MCU: variants seen among roughly 807,000 people sequenced by gnomAD.
MCU encodes the protein mitochondrial calcium uniporter, also known as calcium uniporter protein, mitochondrial.
Under a neutral mutation model 45.2 loss-of-function variants are expected in MCU, and 12 were observed. The ratio of observed to expected loss-of-function variants is 0.27; its 90% CI spans 0.17 to 0.43. MCU has a LOEUF of 0.43. MCU is among the 20% of genes least tolerant of loss of function. The pLI is 1.00. For missense variants in MCU, 324 were observed against 436.7 expected (o/e 0.74, Z 2.30); for synonymous variants, 160 against 165.1 (o/e 0.97, Z 0.24).
intron 2 of MCU, among the ~76,000 whole-genome samples, chr10:72,857,903 A>G (rs2132866741): frequency 6.6e-6 from 1 of 152,316 alleles, no homozygotes; most frequent in East Asian, 1.9e-4. Flanking sequence ...ACATTTTGTT[A>G]TAAAATCTTA....
chr10:72,755,142 T>C (rs1458634717), intron 1 of MCU, among the ~76,000 whole-genome samples: 1 of 136,172 alleles, frequency 7.3e-6, no homozygotes, highest in African/African-American at 2.6e-5. Flanking sequence ...TATGTGAACC[T>C]GAGATTTTTT....
chr10:72,693,661 G>T (rs1274911857), intron 1 of MCU, among the ~76,000 whole-genome samples: 1 of 152,120 alleles, frequency 6.6e-6, no homozygotes, highest in Non-Finnish European at 1.5e-5. Context: ...ATTCTTGTGA[G>T]AAGATTGTAC....
At chr10:72,715,220 G>C in intron 1 of MCU, 6 of 974,912 alleles carry the variant, frequency 6.2e-6, no homozygotes, top group Non-Finnish European at 7.3e-6. Context: ...TGGCCTGTGG[G>C]AGTCAAGTAA....
intron 2 of MCU, among the ~76,000 whole-genome samples, chr10:72,836,347 C>T (rs911256447): frequency 6.6e-6 from 1 of 152,014 alleles, no homozygotes; most frequent in Non-Finnish European, 1.5e-5. Flanking sequence ...TATTTAGTGG[C>T]AATTAACTTG....
chr10:72,731,047 CA>C (rs1003305084), intron 1 of MCU: 1 of 152,258 alleles, frequency 6.6e-6, no homozygotes, highest in Non-Finnish European at 1.5e-5. Flanking sequence ...CTTGGCCTCC[CA>C]AAGTGTTGGG....
intron 6 of MCU, among the ~76,000 whole-genome samples, chr10:72,874,219 C>T (rs1213222684): frequency 1.3e-5 from 2 of 152,140 alleles, no homozygotes; most frequent in African/African-American, 2.4e-5. Context: ...TCAACCGAGG[C>T]TCCTTTATTG....
chr10:72,705,436 C>T (rs1842807537), intron 1 of MCU, among the ~76,000 whole-genome samples: 1 of 151,872 alleles, frequency 6.6e-6, no homozygotes, highest in South Asian at 2.1e-4. Context: ...AATCCCAGCA[C>T]TTTGGGAGGC....
intron 2 of MCU, among the ~76,000 whole-genome samples, chr10:72,851,683 G>T (rs1340159530): frequency 6.6e-6 from 1 of 152,184 alleles, no homozygotes. Flanking sequence ...CTGCATGAGT[G>T]GGTGTGGGGA....
At chr10:72,704,802 C>A (rs1842799971) in intron 1 of MCU, among the ~76,000 whole-genome samples, 1 of 150,886 alleles carries the variant, frequency 6.6e-6, no homozygotes. Context: ...GCAACCTCCA[C>A]CTCCTGGGTT....
At chr10:72,776,188 A>G (rs1026329450) in intron 1 of MCU, among the ~76,000 whole-genome samples, 1 of 151,972 alleles carries the variant, frequency 6.6e-6, no homozygotes, top group Non-Finnish European at 1.5e-5. Flanking sequence ...AAAAAAATTG[A>G]AGAGGAGATA....
At chr10:72,807,003 A>G (rs567846155) in intron 1 of MCU, among the ~76,000 whole-genome samples, 2 of 152,326 alleles carry the variant, frequency 1.3e-5, no homozygotes, top group Admixed American at 1.3e-4. Context: ...TAGCTATTAA[A>G]CCATATTACA....
chr10:72,816,351 C>T (rs1844626284), intron 1 of MCU, among the ~76,000 whole-genome samples: 1 of 152,058 alleles, frequency 6.6e-6, no homozygotes, highest in Non-Finnish European at 1.5e-5. Context: ...GAGATTTATT[C>T]AGTTGTACAA....
intron 1 of MCU, among the ~76,000 whole-genome samples, chr10:72,780,937 C>T (rs773802613): frequency 6.6e-6 from 1 of 152,108 alleles, no homozygotes; most frequent in South Asian, 2.1e-4. Flanking sequence ...AATTTGGTGA[C>T]ATTGTGATAC....
At chr10:72,823,159 A>T (rs1035833889) in intron 1 of MCU, among the ~76,000 whole-genome samples, 2 of 152,246 alleles carry the variant, frequency 1.3e-5, no homozygotes, top group African/African-American at 4.8e-5. Flanking sequence ...TCATATATCC[A>T]TACAATGGAA....
intron 1 of MCU, among the ~76,000 whole-genome samples, chr10:72,822,315 A>G (rs1844725514): frequency 6.6e-6 from 1 of 152,176 alleles, no homozygotes; most frequent in African/African-American, 2.4e-5. Context: ...AGATCAAGAA[A>G]AAGTAGTCAT....
chr10:72,720,197 C>A (rs1388902394), intron 1 of MCU, among the ~76,000 whole-genome samples: 1 of 152,134 alleles, frequency 6.6e-6, no homozygotes. Context: ...TGACTGCTTA[C>A]TAACTTTCAG....
chr10:72,873,013 G>GTTTTTTTTTT (rs1193681306), intron 6 of MCU, among the ~76,000 whole-genome samples: 3 of 88,864 alleles, frequency 3.4e-5, no homozygotes, highest in Non-Finnish European at 6.8e-5. Flanking sequence ...TGTTTTTTGG[G>GTTTTTTTTTT]TTTTTTTTTT....
At chr10:72,792,416 A>C (rs1330560184) in intron 1 of MCU, among the ~76,000 whole-genome samples, 8 of 152,232 alleles carry the variant, frequency 5.3e-5, no homozygotes, top group Non-Finnish European at 1.0e-4. Flanking sequence ...ATCAGCGGAA[A>C]AGAATGTTAA....
chr10:72,826,505 T>C (rs1470737972), intron 1 of MCU, among the ~76,000 whole-genome samples: 1 of 152,230 alleles, frequency 6.6e-6, no homozygotes, highest in Non-Finnish European at 1.5e-5. Context: ...AATATTGTTA[T>C]GTCAGCAAAT....
Sources: gnomAD v4.1 joint callset for allele counts (sites outside exome capture counted in the v4.1 genomes callset) on GRCh38, gnomAD v4.1.1 for gene constraint, MANE v1.5 for transcripts, NCBI Gene and HGNC (gene_info 2026-07-23, HGNC 2026-07-21) for gene names.